Variants in DLC1 observed in about 807,000 individuals in gnomAD.
DLC1 encodes DLC1 Rho GTPase activating protein.
DLC1 carries 54 observed loss-of-function variants against 140.3 expected under a neutral mutation model. The observed-to-expected ratio is 0.38, with a 90% confidence interval of 0.31 to 0.48. DLC1 has a LOEUF of 0.48. Ranked by LOEUF, DLC1 falls within the 20% of genes least tolerant of loss-of-function variation. DLC1 has a pLI of 0.96. For missense variants in DLC1, 2,536 were observed against 1,907.0 expected (o/e 1.33, Z -6.14); for synonymous variants, 986 against 728.1 (o/e 1.35, Z -5.70).
At chr8:13,534,117 C>G (rs1315749788) in intron 1 of DLC1, among the ~76,000 whole-genome samples, 1 of 152,168 alleles carries the variant, frequency 6.6e-6, no homozygotes, top group African/African-American at 2.4e-5. Context: ...TAATTTCCCT[C>G]CAATCTGTTT....
intron 4 of DLC1, among the ~76,000 whole-genome samples, chr8:13,385,422 C>G (rs897883695): frequency 6.6e-6 from 1 of 152,008 alleles, no homozygotes; most frequent in Non-Finnish European, 1.5e-5. Context: ...ACTAGAGAAA[C>G]GCTAAAACCC....
At chr8:13,340,973 G>T (rs1182180456) in intron 4 of DLC1, 3 of 152,184 alleles carry the variant, frequency 2.0e-5, no homozygotes, top group African/African-American at 4.8e-5. Context: ...CCATGTCATG[G>T]TGCTGACAAA....
chr8:13,231,846 G>A (rs772738291), intron 5 of DLC1, among the ~76,000 whole-genome samples: 12 of 152,122 alleles, frequency 7.9e-5, no homozygotes, highest in African/African-American at 1.4e-4. Context: ...TAGAACCATC[G>A]TTTCTTGTAT....
In DLC1 at chr8:13,393,706, A is replaced by G; in HGVS notation, c.1174-13T>C. ...CTGATTCCAGATCCTATTAAAAAAC[A>G]AATGCACTGGTATGAAGGACATGTG... On this transcript the variant is annotated splice_polypyrimidine_tract_variant and intron_variant, in intron 3 of 17. Transcript: ENST00000276297. The G allele has an allele frequency of 6.2e-7, 1 of 1,610,582 alleles. No homozygotes were observed. Among genetic ancestry groups the G allele is most frequent in the Non-Finnish European group, 8.5e-7 (1 of 1,178,638 alleles).
chr8:13,432,443 T>A (rs1021891835), intron 2 of DLC1, among the ~76,000 whole-genome samples: 6 of 152,226 alleles, frequency 3.9e-5, no homozygotes, highest in Non-Finnish European at 8.8e-5. Context: ...AATGGAGACA[T>A]TCGAATTCTT....
chr8:13,157,152 C>A (rs1193871678), intron 5 of DLC1, among the ~76,000 whole-genome samples: 3 of 152,130 alleles, frequency 2.0e-5, no homozygotes, highest in African/African-American at 4.8e-5. Context: ...TTCTCTGCAC[C>A]ATAACTTACA....
At chr8:13,297,178 C>A (rs957339117) in intron 5 of DLC1, among the ~76,000 whole-genome samples, 1 of 147,976 alleles carries the variant, frequency 6.8e-6, no homozygotes, top group East Asian at 2.0e-4. Flanking sequence ...CAACTTTTCA[C>A]GGATTAGTTT....
intron 5 of DLC1, among the ~76,000 whole-genome samples, chr8:13,252,663 A>G (rs1436914680): frequency 6.6e-6 from 1 of 152,212 alleles, no homozygotes; most frequent in Non-Finnish European, 1.5e-5. Flanking sequence ...TGTTGCAATA[A>G]TGGATATATA....
At chr8:13,474,306 GA>G (rs1178894323) in intron 2 of DLC1, among the ~76,000 whole-genome samples, 1 of 152,178 alleles carries the variant, frequency 6.6e-6, no homozygotes, top group Admixed American at 6.5e-5. Context: ...CAGAAGTCAA[GA>G]ATTGGGGATT....
intron 4 of DLC1, among the ~76,000 whole-genome samples, chr8:13,329,877 G>T (rs1671377): frequency 6.6e-6 from 1 of 151,964 alleles, no homozygotes; most frequent in African/African-American, 2.4e-5. Flanking sequence ...ATACACAAGT[G>T]TACAAAGTCC....
At chr8:13,190,299 T>A (rs555221003) in intron 5 of DLC1, among the ~76,000 whole-genome samples, 6 of 152,192 alleles carry the variant, frequency 3.9e-5, no homozygotes, top group African/African-American at 1.4e-4. Flanking sequence ...GCTTTGGAGA[T>A]ATCTATGGGG....
chr8:13,121,813 A>T (rs568680010), intron 5 of DLC1, among the ~76,000 whole-genome samples: 1 of 152,122 alleles, frequency 6.6e-6, no homozygotes, highest in East Asian at 1.9e-4. Context: ...TCGGCCTCCC[A>T]AAGTGCTGGG....
chr8:13,302,285 C>T (rs940649131), intron 5 of DLC1, among the ~76,000 whole-genome samples: 1 of 152,168 alleles, frequency 6.6e-6, no homozygotes, highest in East Asian at 1.9e-4. Flanking sequence ...GGGGCAGAGG[C>T]CATGCCTTGT....
intron 2 of DLC1, among the ~76,000 whole-genome samples, chr8:13,454,229 C>T (rs1037758580): frequency 1.4e-4 from 21 of 151,210 alleles, no homozygotes; most frequent in Non-Finnish European, 2.5e-4. Context: ...GTCATAGTTT[C>T]ATGAGCATTA....
intron 4 of DLC1, among the ~76,000 whole-genome samples, chr8:13,327,319 C>A (rs1833405494): frequency 6.6e-6 from 1 of 151,930 alleles, no homozygotes; most frequent in Non-Finnish European, 1.5e-5. Context: ...AAGAGTGATG[C>A]CCCAAATGGG....
rs1302206505 is a variant in DLC1, at chr8:13,085,145, G to C, written c.*666C>G. Reference sequence around the variant, plus strand: ...AAGTACAGAAGAGGTTCGTGGAAAAGGAATATGCTTAATAACTTCGAAAAA... The same window carrying C: ...AAGTACAGAAGAGGTTCGTGGAAAACGAATATGCTTAATAACTTCGAAAAA... On this transcript the variant is annotated 3_prime_UTR_variant, in exon 18 of 18. Coordinates refer to ENST00000276297, the MANE Select transcript of DLC1 (RefSeq NM_182643.3). 1 of 152,170 alleles carries C rather than the reference G, an allele frequency of 6.6e-6. No individual in the cohort carries two copies. The highest frequency in any genetic ancestry group is 1.5e-5 in the Non-Finnish European group (1 of 68,032). 9.4% of individuals were successfully genotyped at this position (152,170 alleles called of 1,614,324 possible). A position where few individuals can be genotyped will look rare whatever the true frequency, so the allele number is the denominator to read the frequency against.
chr8:13,552,738 T>A (rs1360287221), intron 1 of DLC1, among the ~76,000 whole-genome samples: 2 of 151,824 alleles, frequency 1.3e-5, no homozygotes. Context: ...ATTTTTTAAA[T>A]GCAAGAAAAT....
At chr8:13,206,179 T>C (rs1827654862) in intron 5 of DLC1, among the ~76,000 whole-genome samples, 1 of 152,198 alleles carries the variant, frequency 6.6e-6, no homozygotes, top group South Asian at 2.1e-4. Context: ...GAATAGCCAA[T>C]GATCTAAAGA....
chr8:13,133,643 T>C (rs1822332162), intron 5 of DLC1, among the ~76,000 whole-genome samples: 1 of 149,876 alleles, frequency 6.7e-6, no homozygotes, highest in Admixed American at 6.7e-5. Flanking sequence ...TCGCCAACTA[T>C]TGGCCCCGGG....
Sources: allele counts gnomAD v4.1 joint callset (sites outside exome capture counted in the v4.1 genomes callset), GRCh38; gene constraint gnomAD v4.1.1; transcripts MANE v1.5; gene names NCBI Gene and HGNC (gene_info 2026-07-23, HGNC 2026-07-21).